ROCK1: variants seen among roughly 807,000 people sequenced by gnomAD.
The protein encoded by ROCK1 is Rho associated coiled-coil containing protein kinase 1, also known as rho-associated protein kinase 1.
Under a neutral mutation model 196.8 loss-of-function variants are expected in ROCK1, and 36 were observed. That is an observed-to-expected ratio of 0.18 (90% confidence interval 0.14 to 0.24). The LOEUF is 0.24. Ranked by LOEUF, ROCK1 falls within the 10% of genes least tolerant of loss-of-function variation. The pLI is 1.00. For missense variants in ROCK1, 920 were observed against 1,562.0 expected (o/e 0.59, Z 6.93); for synonymous variants, 443 against 515.9 (o/e 0.86, Z 1.91).
At chr18:21,024,238 C>T (rs1179817344) in intron 10 of ROCK1, among the ~76,000 whole-genome samples, 2 of 152,118 alleles carry the variant, frequency 1.3e-5, no homozygotes, top group South Asian at 2.1e-4. Flanking sequence ...TTAGGTGATG[C>T]TGCTAATCTT....
intron 16 of ROCK1, 78 bp downstream of exon 16, chr18:21,006,273 T>C: frequency 2.8e-6 from 3 of 1,089,534 alleles, no homozygotes; most frequent in South Asian, 1.5e-5. Flanking sequence ...CCCACTGAAC[T>C]GTATATATAA....
chr18:21,041,962 T>C (rs2036110885), intron 8 of ROCK1, 135 bp downstream of exon 8: 2 of 778,754 alleles, frequency 2.6e-6, no homozygotes, highest in Non-Finnish European at 2.0e-6. Flanking sequence ...TAGAATATCA[T>C]AAAATTACAT....
intron 1 of ROCK1, among the ~76,000 whole-genome samples, chr18:21,097,558 C>G (rs555070661): frequency 6.6e-6 from 1 of 152,222 alleles, no homozygotes; most frequent in East Asian, 1.9e-4. Context: ...TATTCAGACT[C>G]AAAAAAGTTA....
At position 21,077,458 on chromosome 18, in the gene ROCK1, G is replaced by A. The variant is rs151080300; in HGVS notation, c.94-6845C>T. Among the ~76,000 whole-genome samples the A allele has an allele frequency of 7.5e-4, 114 of 152,196 alleles. 1 individual carries two copies. Among genetic ancestry groups the A allele is most frequent in the African/African-American group, 2.6e-3 (110 of 41,524 alleles). ...TTTCACATAATTCAGAACACAGGCAGGAAAAGCAGCTGGTGCTGCTCATAA... is the reference window on the plus strand; with the variant it reads ...TTTCACATAATTCAGAACACAGGCAAGAAAAGCAGCTGGTGCTGCTCATAA... On this transcript the variant is annotated intron_variant, in intron 1 of 32. Transcript: ENST00000399799.
intron 2 of ROCK1, among the ~76,000 whole-genome samples, chr18:21,056,160 T>C (rs549743851): frequency 1.3e-5 from 2 of 152,356 alleles, no homozygotes; most frequent in South Asian, 4.1e-4. Flanking sequence ...TTCTTCTCTA[T>C]CTACACTCAC....
chr18:21,044,024 A>G (rs1598541206), intron 6 of ROCK1, 78 bp downstream of exon 6: 1 of 840,962 alleles, frequency 1.2e-6, no homozygotes, highest in Admixed American at 2.1e-5. Context: ...ACCATTTTCT[A>G]AAGAATTCTT....
intron 29 of ROCK1, among the ~76,000 whole-genome samples, chr18:20,955,957 T>A (rs1212415689): frequency 6.6e-6 from 1 of 152,238 alleles, no homozygotes; most frequent in African/African-American, 2.4e-5. Context: ...GAAGCTGCCT[T>A]TTGACTACAA....
chr18:21,025,751 A>T (rs1229163328), intron 10 of ROCK1, among the ~76,000 whole-genome samples: 1 of 152,090 alleles, frequency 6.6e-6, no homozygotes, highest in Non-Finnish European at 1.5e-5. Context: ...ATATATATAT[A>T]TTTTGTTGGT....
intron 10 of ROCK1, among the ~76,000 whole-genome samples, chr18:21,026,788 G>C (rs999168893): frequency 6.6e-6 from 1 of 152,038 alleles, no homozygotes; most frequent in African/African-American, 2.4e-5. Flanking sequence ...AAGCCAATCA[G>C]TTATCTGATA....
At chr18:21,090,033 G>C (rs1357907857) in intron 1 of ROCK1, among the ~76,000 whole-genome samples, 2 of 152,090 alleles carry the variant, frequency 1.3e-5, no homozygotes, top group African/African-American at 2.4e-5. Flanking sequence ...TTATATCAAT[G>C]GTTTCTGAAC....
intron 16 of ROCK1, among the ~76,000 whole-genome samples, chr18:20,997,230 C>T (rs1165890878): frequency 1.3e-5 from 2 of 151,806 alleles, no homozygotes; most frequent in Non-Finnish European, 2.9e-5. Flanking sequence ...CTACAAGAAA[C>T]ACACTTCATG....
At chr18:20,969,764 G>A (rs956809338) in intron 23 of ROCK1, among the ~76,000 whole-genome samples, 1 of 152,048 alleles carries the variant, frequency 6.6e-6, no homozygotes, top group Non-Finnish European at 1.5e-5. Context: ...AGAAGTTAAA[G>A]CCAACTTTGC....
chr18:20,994,726 C>T (rs1024321096), intron 16 of ROCK1, among the ~76,000 whole-genome samples: 1 of 152,100 alleles, frequency 6.6e-6, no homozygotes, highest in African/African-American at 2.4e-5. Flanking sequence ...TCCTAGCAAC[C>T]ACATGAAAGA....
intron 4 of ROCK1, among the ~76,000 whole-genome samples, chr18:21,047,588 T>C (rs1419953844): frequency 6.6e-6 from 1 of 152,056 alleles, no homozygotes; most frequent in Non-Finnish European, 1.5e-5. Flanking sequence ...GGTCAGGAGA[T>C]CGAGACCATG....
chr18:21,033,955 A>C (rs1410231118), intron 9 of ROCK1, among the ~76,000 whole-genome samples: 1 of 142,968 alleles, frequency 7.0e-6, no homozygotes, highest in Non-Finnish European at 1.5e-5. Context: ...AATGGCATGA[A>C]CCCTGGAGGC....
intron 20 of ROCK1, among the ~76,000 whole-genome samples, chr18:20,983,139 G>C (rs1598517133): frequency 6.6e-6 from 1 of 150,796 alleles, no homozygotes; most frequent in Non-Finnish European, 1.5e-5. Context: ...CCATATTTTT[G>C]GTAAATTTTT....
At chr18:21,011,099 G>A (rs983788945) in intron 13 of ROCK1, among the ~76,000 whole-genome samples, 3 of 151,796 alleles carry the variant, frequency 2.0e-5, no homozygotes, top group African/African-American at 7.3e-5. Context: ...ATATAAATGG[G>A]GGATTTAAAA....
intron 13 of ROCK1, among the ~76,000 whole-genome samples, chr18:21,009,563 C>T (rs2219950): frequency 6.6e-6 from 1 of 152,142 alleles, no homozygotes; most frequent in East Asian, 1.9e-4. Flanking sequence ...TTCTGGAATA[C>T]ATGCCCAAGA....
At position 20,967,788 on chromosome 18, in the gene ROCK1, T is replaced by C. The variant is rs966911703; in HGVS notation, c.3156A>G (p.Val1052=). The part of the protein sequence containing the change: ...NQEREKFNQM[V]VKHQKELNDM... ...CATTCAGTTCCTTCTGATGTTTCAC[T>C]ACCATCTGGTTGAATTTCTCTCTTT... is the stretch of plus-strand genomic sequence containing the variant. The change falls in exon 26 of 33, where the codon GTA becomes GTG. Residue 1052 remains valine (V), a synonymous_variant. Transcript: ENST00000399799. 1 of 1,604,568 alleles carries C rather than the reference T, an allele frequency of 6.2e-7. No individual in the cohort carries two copies.
Sources: allele counts gnomAD v4.1 joint callset (sites outside exome capture counted in the v4.1 genomes callset), GRCh38; gene constraint gnomAD v4.1.1; transcripts MANE v1.5; gene names NCBI Gene and HGNC (gene_info 2026-07-23, HGNC 2026-07-21).